The following FHIT variants were observed in gnomAD, a reference collection of about 807,000 sequenced individuals.
FHIT encodes fragile histidine triad diadenosine triphosphatase, also known as bis(5'-adenosyl)-triphosphatase.
Under a neutral mutation model 17.9 loss-of-function variants are expected in FHIT, and 19 were observed. That is an observed-to-expected ratio of 1.06 (90% CI 0.74 to 1.56). FHIT has a LOEUF of 1.56. Among genes scored for constraint, FHIT ranks in the 40% most tolerant of loss-of-function variants. The pLI is 0.00. For synonymous variants in FHIT, 81 were observed against 69.7 expected, an observed-to-expected ratio of 1.16 and a Z score of -0.81; for missense variants, 248 against 189.2, an observed-to-expected ratio of 1.31 and a Z score of -1.82.
At chr3:60,376,055 GTTC>G (rs1259417657) in intron 5 of FHIT, among the ~76,000 whole-genome samples, 4 of 152,152 alleles carry the variant, frequency 2.6e-5, no homozygotes, top group African/African-American at 9.7e-5. Flanking sequence ...GACAGCTCCT[GTTC>G]TTCTATTTCA....
Position 60,662,393 on chromosome 3 carries a change from G to A in FHIT, c.-17-125414C>T, listed in dbSNP as rs542949352. On this transcript the variant is annotated intron_variant, in intron 4 of 9. Coordinates refer to ENST00000492590, the MANE Select transcript of FHIT (RefSeq NM_002012.4). ...CTGGGTTCTCTATTCTGCTCCATTC[G>A]TCTCCGTGCCTATGTTTATACCAGT... Among the ~76,000 whole-genome samples the A allele has an allele frequency of 4.0e-4, 61 of 152,168 alleles. No individual in the cohort carries two copies. In the South Asian group the frequency reaches 5.0e-3, roughly 12 times the overall value.
At chr3:60,306,440 C>G (rs1375348825) in intron 5 of FHIT, among the ~76,000 whole-genome samples, 1 of 152,154 alleles carries the variant, frequency 6.6e-6, no homozygotes, top group East Asian at 1.9e-4. Flanking sequence ...TGCAAAAATA[C>G]TTAACCCAGT....
chr3:60,065,163 G>C (rs560612083), intron 5 of FHIT, among the ~76,000 whole-genome samples: 1 of 152,266 alleles, frequency 6.6e-6, no homozygotes, highest in African/African-American at 2.4e-5. Flanking sequence ...GGAAAAATGA[G>C]AATCATGAAA....
intron 4 of FHIT, among the ~76,000 whole-genome samples, chr3:60,579,347 T>C (rs1271962476): frequency 1.3e-5 from 2 of 152,128 alleles, no homozygotes; most frequent in Non-Finnish European, 2.9e-5. Flanking sequence ...TATCTAAATA[T>C]AGAAAAGGTA....
chr3:61,226,248 T>C (rs1019643796), intron 1 of FHIT, among the ~76,000 whole-genome samples: 1 of 152,130 alleles, frequency 6.6e-6, no homozygotes, highest in Non-Finnish European at 1.5e-5. Context: ...AAGGTGCTAG[T>C]CAAATCTCAG....
intron 5 of FHIT, among the ~76,000 whole-genome samples, chr3:60,029,879 T>TTGTGTGTGTGTGTGTGTGTGTGTG (rs746113510): frequency 6.1e-5 from 8 of 131,392 alleles, no homozygotes; most frequent in East Asian, 2.3e-4. Flanking sequence ...CATAGAAGCA[T>TTGTGTGTGTGTGTGTGTGTGTGTG]TGTGTGTGTG....
At chr3:60,187,174 G>C (rs1461225090) in intron 5 of FHIT, among the ~76,000 whole-genome samples, 2 of 152,052 alleles carry the variant, frequency 1.3e-5, no homozygotes, top group South Asian at 2.1e-4. Flanking sequence ...GATGGCCAGG[G>C]AACACAAAAT....
chr3:60,036,090 T>A (rs1360755479), intron 5 of FHIT, among the ~76,000 whole-genome samples: 1 of 152,160 alleles, frequency 6.6e-6, no homozygotes, highest in Non-Finnish European at 1.5e-5. Context: ...AGGTGCTTAG[T>A]CCAAAGTGAC....
At chr3:60,440,288 T>C (rs1488248369) in intron 5 of FHIT, among the ~76,000 whole-genome samples, 3 of 152,070 alleles carry the variant, frequency 2.0e-5, no homozygotes, top group Non-Finnish European at 4.4e-5. Flanking sequence ...ATCAGGGAAA[T>C]TGGGCTTGTT....
intron 4 of FHIT, among the ~76,000 whole-genome samples, chr3:60,693,715 T>C (rs1460105199): frequency 1.3e-5 from 2 of 152,218 alleles, no homozygotes; most frequent in Non-Finnish European, 2.9e-5. Context: ...CTGCAAACTT[T>C]CTGTACAGCA....
rs979649795 is a variant in FHIT at position 59,965,247 on chromosome 3, T to C, written c.280-42833A>G. On this transcript the variant is annotated intron_variant, in intron 7 of 9. Coordinates refer to ENST00000492590, the MANE Select transcript of FHIT (RefSeq NM_002012.4). ...GCAGAACACAGCTTGAAGTATGATA[T>C]ATGGATGGAGGTTCATAGAAAATAT... is the stretch of plus-strand genomic sequence containing the variant. Among the ~76,000 whole-genome samples the C allele has an allele frequency of 1.1e-3, 166 of 152,094 alleles. 3 individuals carry two copies. The highest frequency in any genetic ancestry group is 2.9e-5 in the Non-Finnish European group (2 of 67,982).
intron 8 of FHIT, among the ~76,000 whole-genome samples, chr3:59,917,856 A>G (rs920734332): frequency 1.3e-5 from 2 of 152,240 alleles, no homozygotes; most frequent in Non-Finnish European, 2.9e-5. Flanking sequence ...CAAATCCTAC[A>G]TCTGTATTTG....
intron 5 of FHIT, among the ~76,000 whole-genome samples, chr3:60,520,017 T>G (rs941769317): frequency 6.6e-6 from 1 of 152,214 alleles, no homozygotes; most frequent in African/African-American, 2.4e-5. Flanking sequence ...TAGTACAGTA[T>G]GTACTATAGT....
intron 5 of FHIT, among the ~76,000 whole-genome samples, chr3:60,354,909 T>A (rs1280744703): frequency 6.6e-6 from 1 of 152,178 alleles, no homozygotes; most frequent in African/African-American, 2.4e-5. Context: ...CCTATGGACC[T>A]TTTCACTCCG....
intron 4 of FHIT, among the ~76,000 whole-genome samples, chr3:60,590,368 C>G (rs917675558): frequency 6.6e-6 from 1 of 152,014 alleles, no homozygotes; most frequent in Admixed American, 6.6e-5. Context: ...TAGAACCCCT[C>G]CTTGCCCACC....
intron 4 of FHIT, among the ~76,000 whole-genome samples, chr3:60,757,063 GA>G (rs1553718478): frequency 2.0e-5 from 3 of 152,088 alleles, no homozygotes; most frequent in Admixed American, 1.3e-4. Context: ...CAGAGCTGTA[GA>G]AAATCAACTC....
chr3:60,363,202 C>A (rs547383503), intron 5 of FHIT, among the ~76,000 whole-genome samples: 1 of 152,202 alleles, frequency 6.6e-6, no homozygotes, highest in East Asian at 1.9e-4. Flanking sequence ...GGTCGGCAAC[C>A]CCACATCAGT....
intron 7 of FHIT, among the ~76,000 whole-genome samples, chr3:59,996,828 T>C (rs1699531576): frequency 6.6e-6 from 1 of 152,106 alleles, no homozygotes; most frequent in Admixed American, 6.6e-5. Flanking sequence ...AGCCATTCTA[T>C]TGCTGACCAG....
At chr3:60,168,305 T>C (rs562368306) in intron 5 of FHIT, among the ~76,000 whole-genome samples, 1 of 152,210 alleles carries the variant, frequency 6.6e-6, no homozygotes, top group Non-Finnish European at 1.5e-5. Context: ...ATCTAACACA[T>C]GGAGCAGATT....
Sources: gnomAD v4.1 joint callset for allele counts (sites outside exome capture counted in the v4.1 genomes callset) on GRCh38, gnomAD v4.1.1 for gene constraint, MANE v1.5 for transcripts, NCBI Gene and HGNC (gene_info 2026-07-23, HGNC 2026-07-21) for gene names.